The following CFAP54 variants were observed in gnomAD, a reference collection of about 807,000 sequenced individuals.
CFAP54 encodes the protein cilia- and flagella-associated protein 54.
Under a neutral mutation model 370.4 loss-of-function variants are expected in CFAP54, and 290 were observed. That is an observed-to-expected ratio of 0.78 (90% CI 0.71 to 0.86). The LOEUF (loss-of-function observed/expected upper bound fraction) is 0.86. CFAP54 is among the 40% of genes least tolerant of loss of function. CFAP54 has a pLI of 0.00. For synonymous variants in CFAP54, 1,206 were observed against 1,236.5 expected, an observed-to-expected ratio of 0.98 and a Z score of 0.52; for missense variants, 3,399 against 3,528.7, an observed-to-expected ratio of 0.96 and a Z score of 0.93.
chr12:96,532,597 C>T (rs999087610), intron 9 of CFAP54, among the ~76,000 whole-genome samples: 3 of 152,042 alleles, frequency 2.0e-5, no homozygotes, highest in African/African-American at 4.8e-5. Flanking sequence ...CTAATCCCTC[C>T]AAGTGTCCAA....
intron 45 of CFAP54, among the ~76,000 whole-genome samples, chr12:96,698,821 G>T (rs537011019): frequency 6.6e-6 from 1 of 152,214 alleles, no homozygotes; most frequent in African/African-American, 2.4e-5. Context: ...GCAAAGCCAA[G>T]AAAGAATGAA....
intron 22 of CFAP54, among the ~76,000 whole-genome samples, chr12:96,584,491 A>T (rs563089877): frequency 1.3e-5 from 2 of 149,340 alleles, no homozygotes; most frequent in East Asian, 2.4e-4. Context: ...CAACAAAAAG[A>T]GTTTTAACTC....
At chr12:96,522,745 G>A (rs941666479) in intron 8 of CFAP54, among the ~76,000 whole-genome samples, 2 of 152,110 alleles carry the variant, frequency 1.3e-5, no homozygotes, top group African/African-American at 4.8e-5. Context: ...GCTGCTCAGG[G>A]CCAGGCTGAA....
At chr12:96,683,384 G>A (rs73379212) in intron 40 of CFAP54, among the ~76,000 whole-genome samples, 3,727 of 152,262 alleles carry the variant, frequency 0.024, 161 homozygotes, top group African/African-American at 0.083. Flanking sequence ...TTCTAAAATG[G>A]CAAATTAATC....
Position 96,609,039 on chromosome 12 carries a change from G to C in CFAP54, c.3639+10272G>C, listed in dbSNP as rs75218419. 6.1e-3 allele frequency among the ~76,000 whole-genome samples: 929 copies of C among 152,156 alleles called. 7 individuals are homozygous for C. Among genetic ancestry groups the C allele is most frequent in the African/African-American group, 0.021 (860 of 41,548 alleles). ...ATTTCAAGAAACAGTCCTAAAACAC[G>C]ATGACAAACAATGCTTGAAAAAATG... On this transcript the variant is annotated intron_variant, in intron 26 of 67. Coordinates refer to ENST00000524981, the MANE Select transcript of CFAP54 (RefSeq NM_001306084.2).
In CFAP54 at chr12:96,489,645, A is replaced by G. The variant is rs977637206; in HGVS notation, c.36A>G (p.Ser12=). The G allele has an allele frequency of 6.5e-7, 1 of 1,530,254 alleles. No individual in the cohort carries two copies. Among genetic ancestry groups the G allele is most frequent in the Non-Finnish European group, 8.8e-7 (1 of 1,142,192 alleles). 94.8% of individuals were successfully genotyped at this position (1,530,254 alleles called of 1,614,324 possible). A position where few individuals can be genotyped will look rare whatever the true frequency, so the allele number is the denominator to read the frequency against. The change falls in exon 1 of 68, where the codon TCA becomes TCG. Residue 12 remains serine, a synonymous_variant. Transcript: ENST00000524981. ...AGGGCTCCCCCTCGAGCTCTCCGTC[A>G]GACGACTCTACCACCTCGGGGTCTC... ...AAQGSPSSSP[S]DDSTTSGSLP... is the part of the protein sequence containing the mutation.
chr12:96,751,120 A>T (rs760502577), intron 55 of CFAP54, among the ~76,000 whole-genome samples: 9 of 152,180 alleles, frequency 5.9e-5, no homozygotes, highest in Admixed American at 2.0e-4. Flanking sequence ...TTTTTAATTA[A>T]TGACTGAACC....
chr12:96,605,107 T>G (rs1452037114), intron 26 of CFAP54, among the ~76,000 whole-genome samples: 1 of 152,258 alleles, frequency 6.6e-6, no homozygotes, highest in Admixed American at 6.5e-5. Context: ...TCAGCCATCT[T>G]GGAAGCGACT....
chr12:96,826,651 A>T (rs1278607957), intron 65 of CFAP54, among the ~76,000 whole-genome samples: 2 of 109,104 alleles, frequency 1.8e-5, no homozygotes, highest in Admixed American at 1.2e-4. Flanking sequence ...AGTATATATT[A>T]AATATATTAT....
chr12:96,607,196 C>T (rs1956310473), intron 26 of CFAP54, among the ~76,000 whole-genome samples: 1 of 151,436 alleles, frequency 6.6e-6, no homozygotes, highest in Non-Finnish European at 1.5e-5. Context: ...GCTGAGGGAA[C>T]ATAAGCCATT....
At chr12:96,596,977 G>A (rs946286763) in intron 25 of CFAP54, among the ~76,000 whole-genome samples, 26 of 151,928 alleles carry the variant, frequency 1.7e-4, no homozygotes, top group African/African-American at 6.0e-4. Context: ...AATATCACTG[G>A]CAGGATTGAA....
intron 12 of CFAP54, 53 bp downstream of exon 12, chr12:96,535,653 C>T: frequency 4.8e-6 from 6 of 1,239,828 alleles, no homozygotes; most frequent in Non-Finnish European, 6.7e-6. Context: ...GGTTTTTGTG[C>T]CTAACTTAAG....
chr12:96,589,509 A>G lies in CFAP54; in HGVS notation c.3158A>G (p.Gln1053Arg). ...VWDYFVASPL[Q>R]DEQSVICLSN... is the part of the protein sequence containing the mutation. Reference sequence around the variant, plus strand: ...GATTATTTTGTTGCTTCGCCACTTCAGGATGAACAATCTGTTATTTGTTTA... The same window carrying G: ...GATTATTTTGTTGCTTCGCCACTTCGGGATGAACAATCTGTTATTTGTTTA... The change falls in exon 23 of 68, where the codon CAG becomes CGG. Residue 1053 changes from glutamine (Q) to arginine (R), a missense_variant. Transcript: ENST00000524981. 6.7e-7 allele frequency: 1 copy of G among 1,496,766 alleles called. No individual in the cohort carries two copies. The highest frequency in any genetic ancestry group is 1.2e-5 in the South Asian group (1 of 83,164). 92.7% of individuals were successfully genotyped at this position (1,496,766 alleles called of 1,614,324 possible).
chr12:96,538,761 T>A (rs919898517), intron 13 of CFAP54: 2 of 412,606 alleles, frequency 4.8e-6, no homozygotes, highest in African/African-American at 2.0e-5. Context: ...TCAGGCCTTT[T>A]TTTTTTTGGC....
chr12:96,857,236 AACCTT>A (rs1959729593), intron 66 of CFAP54, among the ~76,000 whole-genome samples: 1 of 152,166 alleles, frequency 6.6e-6, no homozygotes, highest in Non-Finnish European at 1.5e-5. Flanking sequence ...GACACAGCCA[AACCTT>A]ATCAAACCTA....
chr12:96,829,691 C>T (rs1023858295), intron 66 of CFAP54, among the ~76,000 whole-genome samples: 9 of 151,520 alleles, frequency 5.9e-5, no homozygotes, highest in East Asian at 1.9e-4. Flanking sequence ...AAAAAGTATA[C>T]GTACATTTTT....
chr12:96,645,763 T>C (rs1956781853), intron 33 of CFAP54: 1 of 151,974 alleles, frequency 6.6e-6, no homozygotes, highest in Non-Finnish European at 1.5e-5. Context: ...TATAGACAAA[T>C]GGAACAGAAC....
chr12:96,708,221 T>C (rs1249710300), intron 47 of CFAP54, among the ~76,000 whole-genome samples: 1 of 152,184 alleles, frequency 6.6e-6, no homozygotes, highest in Non-Finnish European at 1.5e-5. Context: ...TCTGCCCATC[T>C]TTTCCTGTTC....
At chr12:96,612,920 T>G (rs1956374843) in intron 26 of CFAP54, among the ~76,000 whole-genome samples, 1 of 152,170 alleles carries the variant, frequency 6.6e-6, no homozygotes, top group Non-Finnish European at 1.5e-5. Context: ...ATAATAATAA[T>G]GGGAGACCTT....
Sources: allele counts gnomAD v4.1 joint callset (sites outside exome capture counted in the v4.1 genomes callset), GRCh38; gene constraint gnomAD v4.1.1; transcripts MANE v1.5; gene names NCBI Gene and HGNC (gene_info 2026-07-23, HGNC 2026-07-21).